GRIA4: variants seen among roughly 807,000 people sequenced by gnomAD.
GRIA4 encodes glutamate ionotropic receptor AMPA type subunit 4, also known as glutamate receptor 4.
A neutral mutation model predicts 104.0 loss-of-function variants in GRIA4; 34 were observed. That is an observed-to-expected ratio of 0.33 (90% CI 0.25 to 0.44). The LOEUF is 0.44. Among genes scored for constraint, GRIA4 ranks in the 20% least tolerant of loss-of-function variants. The probability of loss-of-function intolerance (pLI) is 1.00; values close to 1 mark genes in which losing one functional copy is unlikely to be tolerated. For missense variants in GRIA4, 750 were observed against 1,096.5 expected (o/e 0.68, Z 4.46); for synonymous variants, 386 against 381.9 (o/e 1.01, Z -0.13).
chr11:105,797,894 T>C (rs564881479), intron 4 of GRIA4: 1 of 427,466 alleles, frequency 2.3e-6, no homozygotes, highest in African/African-American at 2.0e-5. Context: ...GATTCAAATT[T>C]AAACAATGGA....
chr11:105,895,617 T>TGGAG (rs1217913728), intron 6 of GRIA4, among the ~76,000 whole-genome samples: 31 of 150,062 alleles, frequency 2.1e-4, no homozygotes, highest in African/African-American at 7.1e-4. Flanking sequence ...ATGAGAGGGA[T>TGGAG]GGAGGGAGGG....
chr11:105,717,602 T>C (rs975975650), intron 3 of GRIA4, among the ~76,000 whole-genome samples: 95 of 152,148 alleles, frequency 6.2e-4, no homozygotes, highest in African/African-American at 2.1e-3. Flanking sequence ...GGTAATAAAT[T>C]TTCCCAACTT....
intron 3 of GRIA4, among the ~76,000 whole-genome samples, chr11:105,634,443 AGGAAGG>A (rs1951129196): frequency 8.5e-6 from 1 of 118,020 alleles, no homozygotes; most frequent in African/African-American, 3.0e-5. Context: ...GGAGAAAGGA[AGGAAGG>A]AGAAAGAAAG....
At chr11:105,927,072 A>G (rs1229666170) in intron 13 of GRIA4, 133 bp downstream of exon 13, 3 of 628,910 alleles carry the variant, frequency 4.8e-6, no homozygotes, top group African/African-American at 3.7e-5. Context: ...GTTTAAGGCT[A>G]GTACTTCTAA....
At chr11:105,701,293 CA>C (rs1413914807) in intron 3 of GRIA4, among the ~76,000 whole-genome samples, 1 of 152,138 alleles carries the variant, frequency 6.6e-6, no homozygotes, top group African/African-American at 2.4e-5. Context: ...GGCATGTAGT[CA>C]ATGTTCAGCA....
chr11:105,699,359 C>T (rs997936699), intron 3 of GRIA4, among the ~76,000 whole-genome samples: 5 of 152,128 alleles, frequency 3.3e-5, no homozygotes, highest in Non-Finnish European at 7.3e-5. Context: ...ACTAGCTGCA[C>T]TCTCTATACA....
chr11:105,861,480 T>C (rs1945222774), intron 4 of GRIA4, among the ~76,000 whole-genome samples: 2 of 151,696 alleles, frequency 1.3e-5, no homozygotes, highest in Non-Finnish European at 2.9e-5. Flanking sequence ...AGAGGAAGAG[T>C]TAAATAATGC....
intron 3 of GRIA4, among the ~76,000 whole-genome samples, chr11:105,680,951 A>G (rs1292648949): frequency 6.6e-6 from 1 of 152,118 alleles, no homozygotes; most frequent in East Asian, 1.9e-4. Flanking sequence ...GATTATCCCA[A>G]TCACTCTGGA....
At chr11:105,906,035 G>A (rs1346114123) in intron 9 of GRIA4, among the ~76,000 whole-genome samples, 1 of 151,896 alleles carries the variant, frequency 6.6e-6, no homozygotes, top group Non-Finnish European at 1.5e-5. Context: ...GGATGTTCAG[G>A]GAAACAGATA....
At chr11:105,923,178 G>A (rs976229786) in intron 11 of GRIA4, among the ~76,000 whole-genome samples, 23 of 152,052 alleles carry the variant, frequency 1.5e-4, no homozygotes, top group Admixed American at 9.8e-4. Flanking sequence ...GTATGTCTGA[G>A]CATGTTTCTG....
Position 105,895,252 on chromosome 11 carries a change from C to CGTGTGTGTGTGTGTGTGT in GRIA4, c.727-3006_727-2989dup, listed in dbSNP as rs59472131. Among the ~76,000 whole-genome samples the CGTGTGTGTGTGTGTGTGT allele has an allele frequency of 2.1e-3, 315 of 148,856 alleles. 4 individuals carry two copies. Among genetic ancestry groups the CGTGTGTGTGTGTGTGTGT allele is most frequent in the African/African-American group, 6.0e-3 (241 of 40,380 alleles). On this transcript the variant is annotated intron_variant, in intron 6 of 16. Coordinates refer to ENST00000282499, the MANE Select transcript of GRIA4 (RefSeq NM_000829.4). ...CAATTACAAAAGCTACGAGCTCATG[C>CGTGTGTGTGTGTGTGTGT]GTGTGTGTGTGTGTGTGTGTGTGTG... is the stretch of plus-strand genomic sequence containing the variant.
intron 11 of GRIA4, among the ~76,000 whole-genome samples, chr11:105,922,338 G>A (rs1947587738): frequency 6.6e-6 from 1 of 152,104 alleles, no homozygotes; most frequent in Non-Finnish European, 1.5e-5. Flanking sequence ...GCATAGTGCT[G>A]GGGATGGTAG....
At chr11:105,648,296 C>T (rs1401651750) in intron 3 of GRIA4, among the ~76,000 whole-genome samples, 3 of 150,292 alleles carry the variant, frequency 2.0e-5, no homozygotes, top group Admixed American at 2.0e-4. Context: ...AACTGTGGAG[C>T]AAAAGATAGA....
rs565068901 is a variant in GRIA4 at position 105,629,723 on chromosome 11, G to T, written c.247+17289G>T. On this transcript the variant is annotated intron_variant, in intron 3 of 16. Coordinates refer to ENST00000282499, the MANE Select transcript of GRIA4 (RefSeq NM_000829.4). The stretch of plus-strand genomic sequence containing the variant: ...TGTTACAAAATGTTGAATTTGTCTT[G>T]CTGTGTCCAAAGGAACAGATAAACT... 2.3e-3 allele frequency among the ~76,000 whole-genome samples: 348 copies of T among 152,212 alleles called. 1 individual carries two copies. The highest frequency in any genetic ancestry group is 7.5e-3 in the African/African-American group (312 of 41,528).
intron 3 of GRIA4, among the ~76,000 whole-genome samples, chr11:105,747,897 A>G (rs1939758072): frequency 6.6e-6 from 1 of 152,220 alleles, no homozygotes; most frequent in South Asian, 2.1e-4. Context: ...AATATTAAGA[A>G]ACGAAAAAAC....
chr11:105,977,899 G>A (rs1325966946), intron 16 of GRIA4, among the ~76,000 whole-genome samples: 1 of 152,004 alleles, frequency 6.6e-6, no homozygotes, highest in Admixed American at 6.5e-5. Context: ...TTCTATATGG[G>A]TGAGGTTCTT....
intron 3 of GRIA4, among the ~76,000 whole-genome samples, chr11:105,737,842 T>C (rs1939050828): frequency 6.6e-6 from 1 of 152,188 alleles, no homozygotes; most frequent in Non-Finnish European, 1.5e-5. Flanking sequence ...ACCACTTAGA[T>C]GTATAAACTT....
chr11:105,610,256 G>C lies in GRIA4; in HGVS notation c.-263G>C, dbSNP rs1162999941. On this transcript the variant is annotated 5_prime_UTR_variant, in exon 1 of 17. Coordinates refer to ENST00000282499, the MANE Select transcript of GRIA4 (RefSeq NM_000829.4). ...GTGGGCGGATTTTCTGCCTAGCGCAGCCGAGAAGCAGAGGTGCCAGGAAAA... is the reference window on the plus strand; with the variant it reads ...GTGGGCGGATTTTCTGCCTAGCGCACCCGAGAAGCAGAGGTGCCAGGAAAA... 6.6e-6 allele frequency: 1 copy of C among 152,616 alleles called. No individual in the cohort carries two copies. Among genetic ancestry groups the C allele is most frequent in the East Asian group, 1.9e-4 (1 of 5,198 alleles). 9.5% of individuals were successfully genotyped at this position (152,616 alleles called of 1,614,324 possible).
At chr11:105,750,367 C>T (rs1565515878) in intron 3 of GRIA4, among the ~76,000 whole-genome samples, 1 of 152,018 alleles carries the variant, frequency 6.6e-6, no homozygotes, top group Non-Finnish European at 1.5e-5. Context: ...AATAAGACTA[C>T]AGCTGTAAAT....
Sources: gnomAD v4.1 joint callset for allele counts (sites outside exome capture counted in the v4.1 genomes callset) on GRCh38, gnomAD v4.1.1 for gene constraint, MANE v1.5 for transcripts, NCBI Gene and HGNC (gene_info 2026-07-23, HGNC 2026-07-21) for gene names.